The following ATP2A2 variants were observed in gnomAD, a reference collection of about 807,000 sequenced individuals.
ATP2A2 encodes the protein sarcoplasmic/endoplasmic reticulum calcium ATPase 2.
In ATP2A2, 14 loss-of-function variants were observed where a neutral mutation model predicts 109.3. The ratio of observed to expected loss-of-function variants is 0.13; its 90% CI spans 0.08 to 0.20. The LOEUF (loss-of-function observed/expected upper bound fraction) is 0.20, where lower values mean the gene tolerates loss of function less well. Ranked by LOEUF, ATP2A2 falls within the 10% of genes least tolerant of loss-of-function variation. The pLI, the probability that ATP2A2 is intolerant of heterozygous loss-of-function variation, is 1.00. For missense variants in ATP2A2, 657 were observed against 1,321.6 expected (o/e 0.50, Z 7.80); for synonymous variants, 506 against 490.9 (o/e 1.03, Z -0.41).
At position 110,347,961 on chromosome 12, in the gene ATP2A2, G is replaced by A. The variant is rs3026491; in HGVS notation, c.*1491G>A. The stretch of plus-strand genomic sequence containing the variant: ...CTGTGGCGCCTGCCATGTGACTCGG[G>A]CGCAGCATCAGCTGGCTGGAGGTGT... On this transcript the variant is annotated 3_prime_UTR_variant, in exon 20 of 20. Transcript: ENST00000539276. 10 of 988,320 alleles carry A rather than the reference G, an allele frequency of 1.0e-5. No individual in the cohort carries two copies. The highest frequency in any genetic ancestry group is 2.2e-4 in the East Asian group (2 of 8,960). 61.2% of individuals were successfully genotyped at this position (988,320 alleles called of 1,614,324 possible). A position where few individuals can be genotyped will look rare whatever the true frequency, so the allele number is the denominator to read the frequency against.
At chr12:110,283,006 T>G (rs1253743121) in intron 3 of ATP2A2, among the ~76,000 whole-genome samples, 1 of 152,166 alleles carries the variant, frequency 6.6e-6, no homozygotes, top group Non-Finnish European at 1.5e-5. Context: ...ACATTTACAG[T>G]GTGGTTAGGA....
chr12:110,337,778 A>G (rs1878976561), intron 11 of ATP2A2, among the ~76,000 whole-genome samples: 1 of 152,266 alleles, frequency 6.6e-6, no homozygotes. Context: ...AACGCATCTT[A>G]TCACACCAAA....
At chr12:110,294,430 C>CGGGTG (rs1418480702) in intron 4 of ATP2A2, among the ~76,000 whole-genome samples, 5 of 150,940 alleles carry the variant, frequency 3.3e-5, no homozygotes, top group Non-Finnish European at 7.4e-5. Context: ...GAAGCTGAGG[C>CGGGTG]GGGTGGATCA....
intron 5 of ATP2A2, among the ~76,000 whole-genome samples, chr12:110,306,336 G>A (rs1316327317): frequency 2.6e-5 from 4 of 152,226 alleles, no homozygotes; most frequent in Non-Finnish European, 5.9e-5. Flanking sequence ...ACCGCGCCCG[G>A]CCTAGTGATA....
Position 110,346,622 on chromosome 12 carries a change from CCA to C in ATP2A2, c.*153_*154del. The C allele has an allele frequency of 6.7e-7, 1 of 1,486,682 alleles. No individual in the cohort carries two copies. Among genetic ancestry groups the C allele is most frequent in the East Asian group, 2.5e-5 (1 of 40,648 alleles). The allele number at this position is 1,486,682 out of a possible 1,614,324, so 92.1% of individuals were successfully genotyped here. A position where few individuals can be genotyped will look rare whatever the true frequency, so the allele number is the denominator to read the frequency against. ...AGATTTTGTTTTGCTTTTTCTGACT[CCA>C]GTGGGGCAAGATTTTCCTTTTTTAT... On this transcript the variant is annotated 3_prime_UTR_variant, in exon 20 of 20. Transcript: ENST00000539276.
intron 5 of ATP2A2, among the ~76,000 whole-genome samples, chr12:110,313,948 A>T (rs1364365954): frequency 6.6e-6 from 1 of 151,228 alleles, no homozygotes; most frequent in Middle Eastern, 3.4e-3. Context: ...TCCTGACCTC[A>T]AGAGATCCAC....
intron 16 of ATP2A2, among the ~76,000 whole-genome samples, chr12:110,344,635 C>G (rs1184908637): frequency 6.6e-6 from 1 of 152,230 alleles, no homozygotes; most frequent in Non-Finnish European, 1.5e-5. Context: ...GGAGCAAGTG[C>G]TTTTTCTCAC....
At chr12:110,300,175 T>A (rs1221451015) in intron 5 of ATP2A2, among the ~76,000 whole-genome samples, 1 of 109,252 alleles carries the variant, frequency 9.2e-6, no homozygotes, top group East Asian at 2.7e-4. Flanking sequence ...TCCTTCTTTC[T>A]CGCTCTCTCT....
Position 110,340,552 on chromosome 12 carries a change from G to GAA in ATP2A2, c.1762-100_1762-99dup. The GAA allele has an allele frequency of 8.8e-7, 1 of 1,139,630 alleles. No individual in the cohort carries two copies. Among genetic ancestry groups the GAA allele is most frequent in the South Asian group, 1.5e-5 (1 of 66,708 alleles). 70.6% of individuals were successfully genotyped at this position (1,139,630 alleles called of 1,614,324 possible). A position where few individuals can be genotyped will look rare whatever the true frequency, so the allele number is the denominator to read the frequency against. On this transcript the variant is annotated intron_variant, in intron 13 of 19. Coordinates refer to ENST00000539276, the MANE Select transcript of ATP2A2 (RefSeq NM_170665.4). The surrounding 1 kb of genome is among the most constrained non-coding windows in gnomAD (Gnocchi z 6.0). ...AAACTCCGCCTCAAAAAAAAAAAAAGAAAAAAAATGCAGAAACCTGTCTCA... is the reference window on the plus strand; with the variant it reads ...AAACTCCGCCTCAAAAAAAAAAAAAGAAAAAAAAAATGCAGAAACCTGTCTCA...
chr12:110,281,924 C>G lies in ATP2A2; in HGVS notation c.118+17C>G. 6.4e-7 allele frequency: 1 copy of G among 1,555,512 alleles called. No homozygotes were observed. The highest frequency in any genetic ancestry group is 8.7e-7 in the Non-Finnish European group (1 of 1,150,734). ...GCTCCAACGGTAGGTGCAGGGCGCT[C>G]CGCTGCAGGGGCCCGGCGCGGCCGG... On this transcript the variant is annotated intron_variant, in intron 1 of 19. Coordinates refer to ENST00000539276, the MANE Select transcript of ATP2A2 (RefSeq NM_170665.4).
At chr12:110,291,669 G>A (rs899067476) in intron 3 of ATP2A2, among the ~76,000 whole-genome samples, 3 of 94,980 alleles carry the variant, frequency 3.2e-5, no homozygotes, top group African/African-American at 9.0e-5. Flanking sequence ...TTGAGTTTTC[G>A]CTCTTGCTGC....
At chr12:110,343,517 T>C (rs1206959486) in intron 16 of ATP2A2, 83 bp downstream of exon 16, 1 of 1,502,536 alleles carries the variant, frequency 6.7e-7, no homozygotes, top group Non-Finnish European at 9.2e-7. Context: ...CTTAAAAGCG[T>C]GTTTTTTCTT....
At position 110,333,203 on chromosome 12, in the gene ATP2A2, A is replaced by G; in HGVS notation, c.1207A>G (p.Asn403Asp). The G allele has an allele frequency of 6.2e-7, 1 of 1,613,982 alleles. No homozygotes were observed. The highest frequency in any genetic ancestry group is 8.5e-7 in the Non-Finnish European group (1 of 1,179,844). ...GEVHKDDKPVNCHQYDGLVEL... is the reference protein window; with the variant it reads ...GEVHKDDKPVDCHQYDGLVEL... ...CAGGCATAAAGATGATAAACCAGTG[A>G]ATTGTCACCAGTATGATGGTCTGGT... Residue 403 changes from asparagine (N) to aspartate (D), a missense_variant, in exon 10 of 20, where the codon AAT (asparagine) becomes GAT (aspartate). Transcript: ENST00000539276.
intron 5 of ATP2A2, among the ~76,000 whole-genome samples, chr12:110,321,304 C>CT (rs1184230617): frequency 6.6e-6 from 1 of 152,142 alleles, no homozygotes; most frequent in Admixed American, 6.5e-5. Flanking sequence ...TTGTATATGA[C>CT]TGGTAACATG....
chr12:110,298,299 A>G lies in ATP2A2; in HGVS notation c.463+1562A>G, dbSNP rs75948658. On this transcript the variant is annotated intron_variant, in intron 5 of 19. Coordinates refer to ENST00000539276, the MANE Select transcript of ATP2A2 (RefSeq NM_170665.4). ...AGTGTTACATATATGCCAGTAAGCC[A>G]ATTATTTGGGACTGTGTAGTGTTTG... 8.1e-3 allele frequency among the ~76,000 whole-genome samples: 1,232 copies of G among 152,322 alleles called. 1 individual carries two copies. The highest frequency in any genetic ancestry group is 9.5e-3 in the Non-Finnish European group (644 of 68,024).
At chr12:110,324,426 ATT>A (rs1192467015) in intron 6 of ATP2A2, among the ~76,000 whole-genome samples, 3 of 147,014 alleles carry the variant, frequency 2.0e-5, no homozygotes, top group Admixed American at 6.8e-5. Flanking sequence ...TTTAAAAAAA[ATT>A]TTTTTTTTTT....
At chr12:110,282,528 G>A in intron 1 of ATP2A2, 76 bp from the exon 2 acceptor site, 1 of 1,551,750 alleles carries the variant, frequency 6.4e-7, no homozygotes, top group Non-Finnish European at 8.9e-7. Context: ...GAAAAACGAA[G>A]TGCTAAAATG....
chr12:110,282,468 G>C, intron 1 of ATP2A2, 136 bp from the exon 2 acceptor site: 1 of 1,199,846 alleles, frequency 8.3e-7, no homozygotes, highest in South Asian at 1.2e-5. Flanking sequence ...CTTATAGCTA[G>C]GTCTGTGTTT....
Position 110,332,657 on chromosome 12 carries a change from G to A in ATP2A2, c.1156G>A (p.Gly386Arg). 1 of 1,613,370 alleles carries A rather than the reference G, an allele frequency of 6.2e-7. No individual in the cohort carries two copies. ...TTCCCTTAATGAGTTTACCATAACT[G>A]GATCAACTTATGCACCTATTGGAGA... ...TCSLNEFTIT[G>R]STYAPIGEVH... The change falls in exon 9 of 20, where the codon GGA becomes AGA. Residue 386 changes from glycine to arginine, a missense_variant. Coordinates refer to ENST00000539276, the MANE Select transcript of ATP2A2 (RefSeq NM_170665.4).
Sources: gnomAD v4.1 joint callset for allele counts (sites outside exome capture counted in the v4.1 genomes callset) on GRCh38, gnomAD v4.1.1 for gene constraint, Gnocchi (gnomAD v3.1) non-coding constraint, MANE v1.5 for transcripts, NCBI Gene and HGNC (gene_info 2026-07-23, HGNC 2026-07-21) for gene names.